Variants in FUT6 observed in about 807,000 individuals in gnomAD.
The protein encoded by FUT6 is fucosyltransferase 6, also known as 4-galactosyl-N-acetylglucosaminide 3-alpha-L-fucosyltransferase FUT6.
For missense variants in FUT6, 454 were observed against 494.6 expected (o/e 0.92, Z 0.78); for synonymous variants, 187 against 209.9 (o/e 0.89, Z 0.94).
Position 5,838,780 on chromosome 19 carries a change from A to G in FUT6, c.-244T>C, listed in dbSNP as rs2057216293. 1.3e-5 allele frequency: 2 copies of G among 152,426 alleles called. No individual in the cohort carries two copies. Among genetic ancestry groups the G allele is most frequent in the African/African-American group, 4.8e-5 (2 of 41,436 alleles). 9.4% of individuals were successfully genotyped at this position (152,426 alleles called of 1,614,324 possible). A position where few individuals can be genotyped will look rare whatever the true frequency, so the allele number is the denominator to read the frequency against. On this transcript the variant is annotated 5_prime_UTR_variant, in exon 1 of 3. Transcript: ENST00000318336. ...AGAGGCCACACCACGCAGCAGAAGG[A>G]AGGAGGAAGTGTACCCGGAGCTGAA...
intron 1 of FUT6, among the ~76,000 whole-genome samples, chr19:5,835,894 T>C (rs2057172400): frequency 6.6e-6 from 1 of 152,170 alleles, no homozygotes; most frequent in Admixed American, 6.5e-5. Flanking sequence ...TAGTTAATGC[T>C]AATTTTTTTT....
Position 5,831,641 on chromosome 19 carries a change from G to C in FUT6, c.927C>G (p.Asp309Glu). 1 of 1,613,366 alleles carries C rather than the reference G, an allele frequency of 6.2e-7. No individual in the cohort carries two copies. The highest frequency in any genetic ancestry group is 1.1e-5 in the South Asian group (1 of 91,044). ...AGCTCAGGTAGCGGGCGTGGTCCTT[G>C]TCCAGCTCCTGCAGGTACCGGGCCA... Reference protein sequence around the residue: ...KDLARYLQELDKDHARYLSYF... With the variant: ...KDLARYLQELEKDHARYLSYF... The change falls in exon 3 of 3, where the codon GAC becomes GAG. Residue 309 changes from aspartate to glutamate, a missense_variant. By Grantham distance (45) the Asp-to-Glu change is conservative. Coordinates refer to ENST00000318336, the MANE Select transcript of FUT6 (RefSeq NM_000150.4). The surrounding 1 kb of genome is among the most constrained non-coding windows in gnomAD (Gnocchi z 7.0).
rs751160349 is a variant in FUT6 at position 5,831,975 on chromosome 19, T to C, written c.593A>G (p.Asn198Ser). 21 of 1,613,796 alleles carry C rather than the reference T, an allele frequency of 1.3e-5. No homozygotes were observed. Among genetic ancestry groups the C allele is most frequent in the South Asian group, 7.7e-5 (7 of 91,076 alleles). ...KTELVAWAVS[N>S]WGPNSARVRY... ...CACCCTGGCGGAGTTTGGCCCCCAGTTGGACACTGCCCAGGCCACCAGCTC... is the reference window on the plus strand; with the variant it reads ...CACCCTGGCGGAGTTTGGCCCCCAGCTGGACACTGCCCAGGCCACCAGCTC... The change falls in exon 3 of 3, where the codon AAC becomes AGC. Residue 198 changes from asparagine (N) to serine (S), a missense_variant. Coordinates refer to ENST00000318336, the MANE Select transcript of FUT6 (RefSeq NM_000150.4). The surrounding 1 kb of genome is among the most constrained non-coding windows in gnomAD (Gnocchi z 7.0).
intron 2 of FUT6, among the ~76,000 whole-genome samples, chr19:5,833,869 C>T (rs191474144): frequency 7.5e-4 from 113 of 151,664 alleles, no homozygotes; most frequent in African/African-American, 1.9e-3. Context: ...CATTGGCTCA[C>T]GACTGTATTC....
chr19:5,832,135 G>T lies in FUT6; in HGVS notation c.433C>A (p.Leu145Met). 2 of 1,613,992 alleles carry T rather than the reference G, an allele frequency of 1.2e-6. No homozygotes were observed. The highest frequency in any genetic ancestry group is 1.7e-6 in the Non-Finnish European group (2 of 1,180,038). The change falls in exon 3 of 3, where the codon CTG (leucine) becomes ATG (methionine). Residue 145 changes from leucine to methionine, a missense_variant. By Grantham distance (15) the Leu-to-Met change is conservative. Transcript: ENST00000318336. This position sits in a 1 kb window ranked among gnomAD's most constrained non-coding sequence, Gnocchi z 4.3. ...TTGAAGTATCCGTCCATGGCTTTCAGCTGCCAGCAGTGGCTTGGGGACTCC... is the reference window on the plus strand; with the variant it reads ...TTGAAGTATCCGTCCATGGCTTTCATCTGCCAGCAGTGGCTTGGGGACTCC... ...SMESPSHCWQLKAMDGYFNLT... is the reference protein window; with the variant it reads ...SMESPSHCWQMKAMDGYFNLT...
At chr19:5,833,638 C>T (rs1231770510) in intron 2 of FUT6, among the ~76,000 whole-genome samples, 1 of 151,440 alleles carries the variant, frequency 6.6e-6, no homozygotes, top group African/African-American at 2.4e-5. Context: ...ACTAAAAATA[C>T]AAAAATTAGC....
intron 2 of FUT6, among the ~76,000 whole-genome samples, chr19:5,833,157 G>A (rs923586270): frequency 6.6e-6 from 1 of 152,188 alleles, no homozygotes; most frequent in Non-Finnish European, 1.5e-5. Context: ...TGCCAGTGTC[G>A]AGTTCATATT....
Position 5,832,283 on chromosome 19 carries a change from G to A in FUT6, c.285C>T (p.Asp95=). The change falls in exon 3 of 3, where the codon GAC becomes GAT. Residue 95 remains aspartate, a synonymous_variant. Transcript: ENST00000318336. This position sits in a 1 kb window ranked among gnomAD's most constrained non-coding sequence, Gnocchi z 4.3. Reference sequence around the variant, plus strand: ...CGTCTGCCTGTGGATACACCTTGCGGTCGGCAGTGATGTTGCAGTCAGCCG... The same window carrying A: ...CGTCTGCCTGTGGATACACCTTGCGATCGGCAGTGATGTTGCAGTCAGCCG... ...PGTADCNITA[D]RKVYPQADAV... The A allele has an allele frequency of 1.9e-6, 3 of 1,614,012 alleles. No individual in the cohort carries two copies. Among genetic ancestry groups the A allele is most frequent in the Non-Finnish European group, 2.5e-6 (3 of 1,180,014 alleles).
chr19:5,833,379 C>T (rs1291598192), intron 2 of FUT6, among the ~76,000 whole-genome samples: 2 of 150,756 alleles, frequency 1.3e-5, no homozygotes, highest in Non-Finnish European at 2.9e-5. Flanking sequence ...ATCCCAGCTA[C>T]TTGAGAGGCT....
intron 2 of FUT6, chr19:5,834,234 G>C (rs993051293): frequency 1.5e-5 from 2 of 134,530 alleles, no homozygotes; most frequent in African/African-American, 5.9e-5. Context: ...GGGAGAGGTG[G>C]GGACAGATAG....
At chr19:5,835,242 G>C (rs1349775050) in intron 1 of FUT6, among the ~76,000 whole-genome samples, 165 bp from the exon 2 acceptor site, 1 of 152,100 alleles carries the variant, frequency 6.6e-6, no homozygotes, top group East Asian at 1.9e-4. Context: ...CCCAGATCCT[G>C]ACCTCGGGAA....
Position 5,832,403 on chromosome 19 carries a change from C to T in FUT6, c.165G>A (p.Gly55=), listed in dbSNP as rs1420256433. 4 of 1,613,840 alleles carry T rather than the reference C, an allele frequency of 2.5e-6. No homozygotes were observed. In the African/African-American group the frequency reaches 5.3e-5, roughly 22 times the overall value. The change falls in exon 3 of 3, where the codon GGG becomes GGA. Residue 55 remains glycine (G), a synonymous_variant. Transcript: ENST00000318336. This position sits in a 1 kb window ranked among gnomAD's most constrained non-coding sequence, Gnocchi z 4.3. ...PNGSRFPDST[G]TPAHSIPLIL... is the part of the protein sequence containing the mutation. ...TCAGGGGGATGGAGTGGGCGGGGGTCCCTGTGCTGTCTGGGAAGCGGGACC... is the reference window on the plus strand; with the variant it reads ...TCAGGGGGATGGAGTGGGCGGGGGTTCCTGTGCTGTCTGGGAAGCGGGACC...
At chr19:5,837,955 G>A (rs1185457731) in intron 1 of FUT6, 1 of 152,126 alleles carries the variant, frequency 6.6e-6, no homozygotes, top group East Asian at 1.9e-4. Flanking sequence ...GGACTGGGAG[G>A]GAGGTTGAAT....
chr19:5,836,683 T>C (rs932246925), intron 1 of FUT6, among the ~76,000 whole-genome samples: 1 of 152,062 alleles, frequency 6.6e-6, no homozygotes, highest in Non-Finnish European at 1.5e-5. Flanking sequence ...CAACGAATTT[T>C]ATTATTTATT....
At position 5,831,470 on chromosome 19, in the gene FUT6, AG is replaced by A; in HGVS notation, c.*17del. The A allele has an allele frequency of 6.2e-7, 1 of 1,613,874 alleles. No homozygotes were observed. The highest frequency in any genetic ancestry group is 8.5e-7 in the Non-Finnish European group (1 of 1,180,042). ...AGGAAAATGAGGTTCCTGGCAGCCC[AG>A]GCCCCACACCAGCCTCTCAGGTGAA... is the stretch of plus-strand genomic sequence containing the variant. On this transcript the variant is annotated 3_prime_UTR_variant, in exon 3 of 3. Coordinates refer to ENST00000318336, the MANE Select transcript of FUT6 (RefSeq NM_000150.4). This position sits in a 1 kb window ranked among gnomAD's most constrained non-coding sequence, Gnocchi z 7.0.
chr19:5,831,997 G>T lies in FUT6; in HGVS notation c.571C>A (p.Leu191Met). ...CAGTTGGACACTGCCCAGGCCACCA[G>T]CTCGGTCTTGGCCGAGAGGTTGAGC... ...PPLNLSAKTE[L>M]VAWAVSNWGP... Residue 191 changes from leucine to methionine, a missense_variant, in exon 3 of 3, where the codon CTG becomes ATG. Coordinates refer to ENST00000318336, the MANE Select transcript of FUT6 (RefSeq NM_000150.4). The surrounding 1 kb of genome is among the most constrained non-coding windows in gnomAD (Gnocchi z 7.0). 4 of 1,613,962 alleles carry T rather than the reference G, an allele frequency of 2.5e-6. No individual in the cohort carries two copies. The highest frequency in any genetic ancestry group is 3.4e-6 in the Non-Finnish European group (4 of 1,179,978).
chr19:5,836,844 CAAAA>C (rs953134118), intron 1 of FUT6, among the ~76,000 whole-genome samples: 1 of 134,482 alleles, frequency 7.4e-6, no homozygotes, highest in African/African-American at 2.8e-5. Flanking sequence ...GACCGTGTCT[CAAAA>C]TAAATAAATA....
In FUT6 at chr19:5,832,561, G is replaced by A. The variant is rs200710904; in HGVS notation, c.7C>T (p.Pro3Ser). 3.7e-6 allele frequency: 6 copies of A among 1,612,868 alleles called. No individual in the cohort carries two copies. Among genetic ancestry groups the A allele is most frequent in the Non-Finnish European group, 4.2e-6 (5 of 1,179,458 alleles). Reference protein sequence around the residue: MDPLGPAKPQWSW... With the variant: MDSLGPAKPQWSW... ...CACTGTGGCTTGGCCGGGCCCAGGGGATCCATGGGTCAGAGTATCTGGGAA... is the reference window on the plus strand; with the variant it reads ...CACTGTGGCTTGGCCGGGCCCAGGGAATCCATGGGTCAGAGTATCTGGGAA... The change falls in exon 3 of 3, where the codon CCC becomes TCC. Residue 3 changes from proline (P) to serine (S), a missense_variant. Transcript: ENST00000318336. The surrounding 1 kb of genome is among the most constrained non-coding windows in gnomAD (Gnocchi z 4.3).
Position 5,831,507 on chromosome 19 carries a change from A to G in FUT6, c.1061T>C (p.Ile354Thr). The change falls in exon 3 of 3, where the codon ATA (isoleucine) becomes ACA (threonine). Residue 354 changes from isoleucine to threonine, a missense_variant. Transcript: ENST00000318336. The surrounding 1 kb of genome is among the most constrained non-coding windows in gnomAD (Gnocchi z 7.0). ...AGCCTCTCAGGTGAACCAAGCCGCTATGCCGCGTGTCTGGTACCTGGATTC... is the reference window on the plus strand; with the variant it reads ...AGCCTCTCAGGTGAACCAAGCCGCTGTGCCGCGTGTCTGGTACCTGGATTC... ...QEESRYQTRG[I>T]AAWFT 6.2e-7 allele frequency: 1 copy of G among 1,614,086 alleles called. No homozygotes were observed. Among genetic ancestry groups the G allele is most frequent in the Non-Finnish European group, 8.5e-7 (1 of 1,180,034 alleles).
Sources: allele counts gnomAD v4.1 joint callset (sites outside exome capture counted in the v4.1 genomes callset), GRCh38; gene constraint gnomAD v4.1.1; non-coding constraint Gnocchi (gnomAD v3.1); transcripts MANE v1.5; gene names NCBI Gene and HGNC (gene_info 2026-07-23, HGNC 2026-07-21).